Variants in GPT2 observed in about 807,000 individuals in gnomAD.
The protein encoded by GPT2 is alanine aminotransferase 2.
GPT2 carries 30 observed loss-of-function variants against 56.9 expected under a neutral mutation model. The ratio of observed to expected loss-of-function variants is 0.53; its 90% confidence interval spans 0.39 to 0.72. The LOEUF (loss-of-function observed/expected upper bound fraction) is 0.72. Among genes scored for constraint, GPT2 ranks in the 30% least tolerant of loss-of-function variants. The pLI is 0.00. For synonymous variants in GPT2, 271 were observed against 283.1 expected (o/e 0.96, Z 0.43); for missense variants, 542 against 703.4 (o/e 0.77, Z 2.60).
chr16:46,913,004 C>A (rs983720417), intron 6 of GPT2, among the ~76,000 whole-genome samples: 1 of 152,222 alleles, frequency 6.6e-6, no homozygotes, highest in South Asian at 2.1e-4. Context: ...CCCTCTCCAG[C>A]CTTTGGGGCC....
intron 9 of GPT2, 125 bp from the exon 10 acceptor site, chr16:46,924,264 A>G (rs779004477): frequency 9.8e-7 from 1 of 1,018,234 alleles, no homozygotes; most frequent in Non-Finnish European, 1.5e-6. Flanking sequence ...CAGAGGGGAC[A>G]TGTGTTCAAA....
intron 2 of GPT2, among the ~76,000 whole-genome samples, chr16:46,890,404 C>T (rs1341501816): frequency 6.6e-6 from 1 of 152,192 alleles, no homozygotes; most frequent in African/African-American, 2.4e-5. Flanking sequence ...CATTCTCCTT[C>T]CCTGCACCCC....
chr16:46,900,708 C>T lies in GPT2; in HGVS notation c.360C>T (p.Asn120=). Residue 120 remains asparagine (N), a synonymous_variant, in exon 4 of 12, where the codon AAC becomes AAT. Coordinates refer to ENST00000340124, the MANE Select transcript of GPT2 (RefSeq NM_133443.4). ...RQVMALCTYP[N]LLDSPSFPED... is the part of the protein sequence containing the mutation. Reference sequence around the variant, plus strand: ...TGATGGCACTATGCACCTACCCAAACCTGCTGGACAGCCCCAGCTTCCCAG... The same window carrying T: ...TGATGGCACTATGCACCTACCCAAATCTGCTGGACAGCCCCAGCTTCCCAG... 1.2e-6 allele frequency: 2 copies of T among 1,614,064 alleles called. No homozygotes were observed. The highest frequency in any genetic ancestry group is 1.7e-6 in the Non-Finnish European group (2 of 1,179,946).
intron 8 of GPT2, among the ~76,000 whole-genome samples, chr16:46,920,467 C>T (rs1172378088): frequency 6.6e-6 from 1 of 152,242 alleles, no homozygotes; most frequent in Admixed American, 6.5e-5. Context: ...CCTGGGCCCC[C>T]ACTGCTAGGA....
At chr16:46,919,231 C>T (rs1485474849) in intron 8 of GPT2, among the ~76,000 whole-genome samples, 1 of 152,198 alleles carries the variant, frequency 6.6e-6, no homozygotes, top group East Asian at 1.9e-4. Flanking sequence ...ACGATGAGTC[C>T]GGCACTGATC....
chr16:46,922,120 C>A, intron 8 of GPT2, 122 bp from the exon 9 acceptor site: 1 of 850,456 alleles, frequency 1.2e-6, no homozygotes, highest in South Asian at 1.5e-5. Flanking sequence ...TTGGCAAGAA[C>A]TCAGCCACAC....
At chr16:46,897,520 C>A (rs1960705031) in intron 2 of GPT2, 128 bp from the exon 3 acceptor site, 3 of 780,190 alleles carry the variant, frequency 3.8e-6, no homozygotes. Flanking sequence ...GGCCTGGCAC[C>A]AAGTCAGATA....
In GPT2 at chr16:46,924,506, C is replaced by G; in HGVS notation, c.1330C>G (p.Arg444Gly). The change falls in exon 10 of 12, where the codon CGG becomes GGG. Residue 444 changes from arginine to glycine, a missense_variant. Coordinates refer to ENST00000340124, the MANE Select transcript of GPT2 (RefSeq NM_133443.4). ...PLQGAMYAFP[R>G]IFIPAKAVEA... ...GCAGGGGGCCATGTACGCCTTCCCT[C>G]GGATCTTCATTCCTGCCAAAGCTGT... The G allele has an allele frequency of 6.2e-7, 1 of 1,614,236 alleles. No individual in the cohort carries two copies. Among genetic ancestry groups the G allele is most frequent in the Non-Finnish European group, 8.5e-7 (1 of 1,180,034 alleles).
chr16:46,913,235 G>A (rs1005098924), intron 6 of GPT2, among the ~76,000 whole-genome samples: 6 of 152,162 alleles, frequency 3.9e-5, no homozygotes, highest in African/African-American at 1.4e-4. Flanking sequence ...TTCCTTTACT[G>A]GGCTGAAGTC....
intron 4 of GPT2, among the ~76,000 whole-genome samples, chr16:46,901,942 G>A (rs1438995934): frequency 6.6e-6 from 1 of 152,222 alleles, no homozygotes; most frequent in Non-Finnish European, 1.5e-5. Context: ...CCCGGCTTCC[G>A]GGCTCCTTTC....
intron 3 of GPT2, among the ~76,000 whole-genome samples, chr16:46,900,085 A>C (rs6598777): frequency 7.9e-5 from 12 of 152,068 alleles, no homozygotes; most frequent in African/African-American, 2.7e-4. Context: ...TTGGCTCCTC[A>C]GTGCCAGCCT....
chr16:46,887,883 A>G lies in GPT2; in HGVS notation c.243+2925A>G, dbSNP rs145953322. The stretch of plus-strand genomic sequence containing the variant: ...TCGGCTAAGGGCTGTGAAAGGGGCC[A>G]TTCTCCTGCAGCCCCAGCTCTGTGC... On this transcript the variant is annotated intron_variant, in intron 2 of 11. Transcript: ENST00000340124. Among the ~76,000 whole-genome samples, 1,057 of 152,236 alleles carry G rather than the reference A, an allele frequency of 6.9e-3. 10 individuals are homozygous for G. The highest frequency in any genetic ancestry group is 0.024 in the African/African-American group (985 of 41,526).
chr16:46,889,746 TG>T (rs1960552013), intron 2 of GPT2, among the ~76,000 whole-genome samples: 1 of 152,172 alleles, frequency 6.6e-6, no homozygotes, highest in South Asian at 2.1e-4. Context: ...AAGACTAGTT[TG>T]AGATGTTAAT....
chr16:46,900,043 C>T (rs932034953), intron 3 of GPT2, among the ~76,000 whole-genome samples: 1 of 152,238 alleles, frequency 6.6e-6, no homozygotes, highest in Non-Finnish European at 1.5e-5. Context: ...GGTGTCAGAG[C>T]CACAAGTCCT....
chr16:46,889,793 C>T (rs1960552983), intron 2 of GPT2, among the ~76,000 whole-genome samples: 3 of 152,310 alleles, frequency 2.0e-5, no homozygotes, highest in Middle Eastern at 3.4e-3. Context: ...CTAATTAGAC[C>T]TGCCAAGTCT....
chr16:46,928,792 C>G, intron 11 of GPT2, 115 bp from the exon 12 acceptor site: 1 of 757,086 alleles, frequency 1.3e-6, no homozygotes, highest in Non-Finnish European at 2.3e-6. Flanking sequence ...CTGGAGCTGT[C>G]GAAGCAGACC....
Position 46,929,369 on chromosome 16 carries a change from C to T in GPT2, c.*372C>T, listed in dbSNP as rs980366178. The T allele has an allele frequency of 8.4e-6, 2 of 238,112 alleles. No individual in the cohort carries two copies. Among genetic ancestry groups the T allele is most frequent in the South Asian group, 6.3e-5 (1 of 15,810 alleles). The allele number at this position is 238,112 out of a possible 1,614,324, so 14.7% of individuals were successfully genotyped here. A position where few individuals can be genotyped will look rare whatever the true frequency, so the allele number is the denominator to read the frequency against. ...GGTGTCGGGAAATGTGTGACTTAAC[C>T]GTGGTGAGGGCTGGAAATCCAAACT... is the stretch of plus-strand genomic sequence containing the variant. On this transcript the variant is annotated 3_prime_UTR_variant, in exon 12 of 12. Coordinates refer to ENST00000340124, the MANE Select transcript of GPT2 (RefSeq NM_133443.4).
rs145418203 is a variant in GPT2, at chr16:46,930,026, C to A, written c.*1029C>A. The A allele has an allele frequency of 6.3e-3, 963 of 153,244 alleles. 23 individuals carry two copies. Among genetic ancestry groups the A allele is most frequent in the Middle Eastern group, 0.02 (6 of 296 alleles). The allele number at this position is 153,244 out of a possible 1,614,324, so 9.5% of individuals were successfully genotyped here. A position where few individuals can be genotyped will look rare whatever the true frequency, so the allele number is the denominator to read the frequency against. On this transcript the variant is annotated 3_prime_UTR_variant, in exon 12 of 12. Coordinates refer to ENST00000340124, the MANE Select transcript of GPT2 (RefSeq NM_133443.4). Reference sequence around the variant, plus strand: ...GAGCTGAATCTGGTCGGTTTCCTAGCTTTTAGGTGGTAAAAGTGCCTGGCA... The same window carrying A: ...GAGCTGAATCTGGTCGGTTTCCTAGATTTTAGGTGGTAAAAGTGCCTGGCA...
intron 8 of GPT2, among the ~76,000 whole-genome samples, chr16:46,921,658 A>AT (rs951851502): frequency 2.6e-5 from 4 of 151,674 alleles, no homozygotes; most frequent in African/African-American, 7.3e-5. Context: ...GTCTGGAAAG[A>AT]TTTTTTTTTA....
Sources: gnomAD v4.1 joint callset for allele counts (sites outside exome capture counted in the v4.1 genomes callset) on GRCh38, gnomAD v4.1.1 for gene constraint, MANE v1.5 for transcripts, NCBI Gene and HGNC (gene_info 2026-07-23, HGNC 2026-07-21) for gene names.